The following PDK3 variants were observed in gnomAD, a reference collection of about 807,000 sequenced individuals.
The protein encoded by PDK3 is pyruvate dehydrogenase kinase, isozyme 3.
A neutral mutation model predicts 32.0 loss-of-function variants in PDK3; 12 were observed. That is an observed-to-expected ratio of 0.37 (90% CI 0.24 to 0.61). The LOEUF (loss-of-function observed/expected upper bound fraction) is 0.61. PDK3 is among the 20% of genes least tolerant of loss of function. The probability of loss-of-function intolerance (pLI) is 0.65; values close to 1 mark genes in which losing one functional copy is unlikely to be tolerated. For synonymous variants in PDK3, 122 were observed against 116.3 expected (o/e 1.05, Z -0.31); for missense variants, 188 against 316.9 (o/e 0.59, Z 3.09).
intron 7 of PDK3, 27 bp from the exon 8 acceptor site, chrX:24,527,547 A>G (rs1303913892): frequency 4.4e-6 from 4 of 900,980 alleles, no homozygotes; most frequent in Admixed American, 3.1e-5. Flanking sequence ...CGGCAGTATG[A>G]TTAATAAAAA....
chrX:24,515,581 G>A (rs1283785892), intron 5 of PDK3, among the ~76,000 whole-genome samples: 1 of 111,816 alleles, frequency 8.9e-6, no homozygotes, highest in Middle Eastern at 4.6e-3. Flanking sequence ...ATGAATGATC[G>A]TTTTTAGGTT....
At chrX:24,465,691 C>G in intron 1 of PDK3, 130 bp downstream of exon 1, 1 of 499,966 alleles carries the variant, frequency 2.0e-6, no homozygotes, top group Non-Finnish European at 3.3e-6. Flanking sequence ...CCGGGGGGCT[C>G]TCCTGGGGCT....
At chrX:24,506,801 CTTTTT>C (rs10682263) in intron 5 of PDK3, among the ~76,000 whole-genome samples, 5 of 49,491 alleles carry the variant, frequency 1.0e-4, no homozygotes, top group African/African-American at 4.3e-4. Context: ...TTTTTTCTTT[CTTTTT>C]TTTTTTTTTT....
intron 1 of PDK3, among the ~76,000 whole-genome samples, chrX:24,477,861 G>C (rs1452120720): frequency 9.0e-6 from 1 of 111,723 alleles, no homozygotes; most frequent in Non-Finnish European, 1.9e-5. Flanking sequence ...CATATGCTAA[G>C]CTCTCAGAGT....
chrX:24,530,005 C>G (rs1215973962), intron 9 of PDK3, among the ~76,000 whole-genome samples: 2 of 111,770 alleles, frequency 1.8e-5, no homozygotes, highest in East Asian at 5.6e-4. Flanking sequence ...GACCCCTCCT[C>G]TGCATTCTTT....
downstream of PDK3, among the ~76,000 whole-genome samples, chrX:24,537,117 C>CT (rs34294652): frequency 0.19 from 16,051 of 82,670 alleles, 1,717 homozygotes; most frequent in Non-Finnish European, 0.24. Context: ...CTTTTCTTTT[C>CT]TTTTTTTTTT....
chrX:24,543,768 T>C (rs1922940032), exon 12 of PDK3, among the ~76,000 whole-genome samples: 1 of 112,184 alleles, frequency 8.9e-6, no homozygotes, highest in African/African-American at 3.2e-5. Flanking sequence ...TTTTTATCTC[T>C]TTCTTTCCTG....
chrX:24,501,573 G>A (rs772900719), intron 3 of PDK3, among the ~76,000 whole-genome samples: 1 of 112,271 alleles, frequency 8.9e-6, no homozygotes, highest in Non-Finnish European at 1.9e-5. Context: ...AATTAGCCAG[G>A]CGTGGTGGTG....
rs1410775934 is a variant in PDK3 at position 24,531,026 on chromosome X, TCCAC to T, written c.964-630_964-627del. On this transcript the variant is annotated intron_variant, in intron 9 of 10. Coordinates refer to ENST00000379162, the MANE Select transcript of PDK3 (RefSeq NM_005391.5). ...GTTTAGTTTTGTCATCAGGTCACAT[TCCAC>T]TTGATTTGGAATGTGCTTTTGTGTG... is the stretch of plus-strand genomic sequence containing the variant. Among the ~76,000 whole-genome samples, 13 of 107,986 alleles carry T rather than the reference TCCAC, an allele frequency of 1.2e-4. No individual in the cohort carries two copies. The Admixed American group carries it at 1.3e-3, about 11-fold the overall frequency. 93.8% of individuals were successfully genotyped at this position (107,986 alleles called of 115,157 possible).
At chrX:24,526,172 A>G in intron 6 of PDK3, 26 bp from the exon 7 acceptor site, 3 of 1,135,063 alleles carry the variant, frequency 2.6e-6, no homozygotes, top group Non-Finnish European at 3.6e-6. Flanking sequence ...GTCCTTATTG[A>G]TTGATGGTTT....
chrX:24,546,367 G>A (rs1452117818), exon 12 of PDK3: 2 of 112,041 alleles, frequency 1.8e-5, no homozygotes, highest in Non-Finnish European at 3.8e-5. Flanking sequence ...GGATGATGAT[G>A]CTGTAGCTAA....
At chrX:24,545,231 T>C (rs1039724026) in exon 12 of PDK3, among the ~76,000 whole-genome samples, 5 of 112,102 alleles carry the variant, frequency 4.5e-5, no homozygotes, top group African/African-American at 1.6e-4. Context: ...CTCTGACACC[T>C]TAACTGTGCC....
At chrX:24,480,280 A>G (rs1328175767) in intron 1 of PDK3, among the ~76,000 whole-genome samples, 1 of 112,839 alleles carries the variant, frequency 8.9e-6, no homozygotes, top group Non-Finnish European at 1.9e-5. Context: ...AGAGGCTGAA[A>G]TAAAACTCAA....
exon 12 of PDK3, chrX:24,546,675 A>C (rs902754958): frequency 8.9e-6 from 1 of 111,785 alleles, no homozygotes; most frequent in African/African-American, 3.3e-5. Context: ...TCCTCATGAC[A>C]GTTCCTCCAT....
At chrX:24,515,949 A>G (rs145400905) in intron 5 of PDK3, among the ~76,000 whole-genome samples, 4 of 110,101 alleles carry the variant, frequency 3.6e-5, no homozygotes, top group Non-Finnish European at 7.6e-5. Flanking sequence ...TAATGTCTCT[A>G]TCTTTGGTTC....
chrX:24,501,274 T>C (rs1921849833), intron 3 of PDK3, among the ~76,000 whole-genome samples: 1 of 112,457 alleles, frequency 8.9e-6, no homozygotes, highest in Admixed American at 9.4e-5. Flanking sequence ...ACATTATAGA[T>C]CTACACCATT....
At chrX:24,511,072 A>C (rs1602118272) in intron 5 of PDK3, among the ~76,000 whole-genome samples, 1 of 112,422 alleles carries the variant, frequency 8.9e-6, no homozygotes, top group African/African-American at 3.2e-5. Context: ...TGTGTCTTCT[A>C]GCTAAAAGGC....
At chrX:24,523,927 A>G (rs1273260590) in intron 6 of PDK3, among the ~76,000 whole-genome samples, 1 of 112,145 alleles carries the variant, frequency 8.9e-6, no homozygotes, top group African/African-American at 3.2e-5. Context: ...GAATATTGCA[A>G]CCAAGATGGA....
chrX:24,508,160 A>G (rs957067651), intron 5 of PDK3, among the ~76,000 whole-genome samples: 4 of 111,876 alleles, frequency 3.6e-5, no homozygotes, highest in African/African-American at 1.3e-4. Flanking sequence ...CAATCATGGC[A>G]GAAGGGTGAA....
Sources: allele counts gnomAD v4.1 joint callset (sites outside exome capture counted in the v4.1 genomes callset), GRCh38; gene constraint gnomAD v4.1.1; transcripts MANE v1.5; gene names NCBI Gene and HGNC (gene_info 2026-07-23, HGNC 2026-07-21).